NKAIN3: variants seen among roughly 807,000 people sequenced by gnomAD.
NKAIN3 encodes sodium/potassium-transporting ATPase subunit beta-1-interacting protein 3.
In NKAIN3, 25 loss-of-function variants were observed where a neutral mutation model predicts 30.2. The observed-to-expected ratio is 0.83, with a 90% CI of 0.60 to 1.16. NKAIN3 has a LOEUF of 1.16. Among genes scored for constraint, NKAIN3 ranks in the 50% most tolerant of loss-of-function variants. NKAIN3 has a pLI of 0.00. For missense variants in NKAIN3, 225 were observed against 254.1 expected, an observed-to-expected ratio of 0.89 and a Z score of 0.78; for synonymous variants, 91 against 89.6, an observed-to-expected ratio of 1.02 and a Z score of -0.09.
chr8:62,792,911 A>G (rs551528931), intron 4 of NKAIN3, among the ~76,000 whole-genome samples: 33 of 152,272 alleles, frequency 2.2e-4, no homozygotes, highest in Non-Finnish European at 4.0e-4. Flanking sequence ...AGGAACAAAA[A>G]GGTAGGTGGG....
intron 3 of NKAIN3, among the ~76,000 whole-genome samples, chr8:62,674,853 T>C (rs561821935): frequency 4.3e-4 from 66 of 152,338 alleles, no homozygotes; most frequent in Non-Finnish European, 7.5e-4. Flanking sequence ...CAGATGGTCT[T>C]GCTCTGCTGC....
At chr8:62,863,336 G>T in intron 4 of NKAIN3, 2 of 1,548,574 alleles carry the variant, frequency 1.3e-6, no homozygotes, top group Admixed American at 3.7e-5. Flanking sequence ...CCTGCTTTCT[G>T]CCCCTCAGTG....
chr8:62,579,490 A>G (rs998976952), intron 1 of NKAIN3, 49 bp from the exon 2 acceptor site: 29 of 1,473,398 alleles, frequency 2.0e-5, no homozygotes, highest in African/African-American at 2.8e-5. Flanking sequence ...TTAAAATAGT[A>G]TGATGATGCT....
intron 3 of NKAIN3, among the ~76,000 whole-genome samples, chr8:62,615,052 T>G (rs1811409714): frequency 6.6e-6 from 1 of 152,152 alleles, no homozygotes; most frequent in Non-Finnish European, 1.5e-5. Context: ...TTCCCTCTGC[T>G]TTTCTCAAGC....
chr8:62,303,421 G>A (rs1336090649), intron 1 of NKAIN3, among the ~76,000 whole-genome samples: 1 of 150,558 alleles, frequency 6.6e-6, no homozygotes, highest in Non-Finnish European at 1.5e-5. Flanking sequence ...ACAGTGAACT[G>A]CACTTCAGAG....
intron 1 of NKAIN3, among the ~76,000 whole-genome samples, chr8:62,459,194 T>A (rs1317526093): frequency 6.6e-6 from 1 of 152,148 alleles, no homozygotes; most frequent in Non-Finnish European, 1.5e-5. Context: ...GGGCCTCTGC[T>A]AATATTTGGA....
intron 4 of NKAIN3, among the ~76,000 whole-genome samples, chr8:62,758,183 CA>C (rs56777290): frequency 0.026 from 4,017 of 151,960 alleles, 185 homozygotes; most frequent in African/African-American, 0.091. Context: ...TGTTAAAAAA[CA>C]AAACAAAAAA....
At chr8:62,341,038 C>A (rs145913161) in intron 1 of NKAIN3, among the ~76,000 whole-genome samples, 1 of 152,146 alleles carries the variant, frequency 6.6e-6, no homozygotes, top group Non-Finnish European at 1.5e-5. Context: ...CTACATGCTT[C>A]AGTGTTATTA....
chr8:62,584,502 A>G (rs1019291819), intron 2 of NKAIN3, among the ~76,000 whole-genome samples: 2 of 152,140 alleles, frequency 1.3e-5, no homozygotes, highest in Non-Finnish European at 2.9e-5. Flanking sequence ...AGCTTTTCCA[A>G]ACTCTTAGAG....
chr8:62,495,109 C>T lies in NKAIN3; in HGVS notation c.55-84430C>T, dbSNP rs1807194913. ...TTATTTCCTGTCTCTTACTATCCATCTTCATATCTAGCTGCAGCAGCTGTA... is the reference window on the plus strand; with the variant it reads ...TTATTTCCTGTCTCTTACTATCCATTTTCATATCTAGCTGCAGCAGCTGTA... On this transcript the variant is annotated intron_variant, in intron 1 of 6. Coordinates refer to ENST00000623646, the MANE Select transcript of NKAIN3 (RefSeq NM_001304533.3). Among the ~76,000 whole-genome samples the T allele has an allele frequency of 2.0e-5, 3 of 152,080 alleles. No individual in the cohort carries two copies. In the South Asian group the frequency reaches 6.2e-4, roughly 31 times the overall value.
intron 3 of NKAIN3, among the ~76,000 whole-genome samples, chr8:62,686,693 C>T (rs1813810212): frequency 6.6e-6 from 1 of 152,134 alleles, no homozygotes; most frequent in Non-Finnish European, 1.5e-5. Flanking sequence ...TTATTGCCCA[C>T]AACACTCTCA....
chr8:62,928,889 G>C (rs542351346), intron 5 of NKAIN3, among the ~76,000 whole-genome samples: 1 of 152,170 alleles, frequency 6.6e-6, no homozygotes, highest in South Asian at 2.1e-4. Flanking sequence ...TCAGAGAAAG[G>C]TTCCCTCGCA....
intron 4 of NKAIN3, among the ~76,000 whole-genome samples, chr8:62,879,300 T>G (rs1820898945): frequency 6.6e-6 from 1 of 152,252 alleles, no homozygotes; most frequent in African/African-American, 2.4e-5. Flanking sequence ...TTTAGCTGCA[T>G]AAATGTCTTC....
chr8:62,445,933 G>T (rs899989870), intron 1 of NKAIN3, among the ~76,000 whole-genome samples: 23 of 152,118 alleles, frequency 1.5e-4, no homozygotes, highest in African/African-American at 5.6e-4. Flanking sequence ...GAAACTCATA[G>T]ATTACAAAAT....
intron 1 of NKAIN3, among the ~76,000 whole-genome samples, chr8:62,356,885 G>A (rs1187270936): frequency 6.6e-6 from 1 of 152,082 alleles, no homozygotes. Context: ...GCCGAGACAG[G>A]TGGATTGCTT....
chr8:62,409,396 C>G (rs1244050278), intron 1 of NKAIN3, among the ~76,000 whole-genome samples: 5 of 152,092 alleles, frequency 3.3e-5, no homozygotes, highest in Non-Finnish European at 7.4e-5. Context: ...GTTGGTCAGG[C>G]TGGTCTCAAA....
At chr8:62,877,501 A>C (rs1389251731) in intron 4 of NKAIN3, among the ~76,000 whole-genome samples, 1 of 152,244 alleles carries the variant, frequency 6.6e-6, no homozygotes, top group Admixed American at 6.5e-5. Context: ...AGCTTCCCCC[A>C]TGAGCCTGCC....
In NKAIN3 at chr8:62,479,752, G is replaced by A. The variant is rs568109981; in HGVS notation, c.55-99787G>A. 2.0e-5 allele frequency among the ~76,000 whole-genome samples: 3 copies of A among 152,196 alleles called. No individual in the cohort carries two copies. The East Asian group carries it at 5.8e-4, about 29-fold the overall frequency. ...CACGGCTGTTAGGAGAAGAGATGAG[G>A]AATGTCCCAGCCCTCAGGGTCCCAG... is the stretch of plus-strand genomic sequence containing the variant. On this transcript the variant is annotated intron_variant, in intron 1 of 6. Coordinates refer to ENST00000623646, the MANE Select transcript of NKAIN3 (RefSeq NM_001304533.3).
At chr8:62,423,363 A>G (rs760617549) in intron 1 of NKAIN3, among the ~76,000 whole-genome samples, 14 of 151,186 alleles carry the variant, frequency 9.3e-5, no homozygotes, top group African/African-American at 2.9e-4. Flanking sequence ...CAAGTTCTTC[A>G]TCTCCAGCAG....
Sources: gnomAD v4.1 joint callset for allele counts (sites outside exome capture counted in the v4.1 genomes callset) on GRCh38, gnomAD v4.1.1 for gene constraint, MANE v1.5 for transcripts, NCBI Gene and HGNC (gene_info 2026-07-23, HGNC 2026-07-21) for gene names.